EIF3H: variants seen among roughly 807,000 people sequenced by gnomAD.
The protein encoded by EIF3H is eukaryotic translation initiation factor 3 subunit H.
In EIF3H, 26 loss-of-function variants were observed where a neutral mutation model predicts 44.2. That is an observed-to-expected ratio of 0.59 (90% CI 0.43 to 0.82). The LOEUF (loss-of-function observed/expected upper bound fraction) is 0.82, where lower values mean the gene tolerates loss of function less well. Among genes scored for constraint, EIF3H ranks in the 40% least tolerant of loss-of-function variants. EIF3H has a pLI of 0.00. For synonymous variants in EIF3H, 166 were observed against 151.9 expected (o/e 1.09, Z -0.68); for missense variants, 359 against 432.8 (o/e 0.83, Z 1.51).
chr8:116,727,807 A>C (rs1462956129), intron 1 of EIF3H, among the ~76,000 whole-genome samples: 1 of 152,220 alleles, frequency 6.6e-6, no homozygotes, highest in Non-Finnish European at 1.5e-5. Context: ...CCCTGTCATA[A>C]TTCTGTGCAC....
chr8:116,731,890 C>A (rs984635243), intron 1 of EIF3H, among the ~76,000 whole-genome samples: 1 of 152,182 alleles, frequency 6.6e-6, no homozygotes, highest in African/African-American at 2.4e-5. Context: ...TTAGCAAATT[C>A]TTCTACACCT....
At chr8:116,725,960 G>A in intron 2 of EIF3H, 56 bp downstream of exon 2, 2 of 1,558,582 alleles carry the variant, frequency 1.3e-6, no homozygotes. Flanking sequence ...GGTGAGACCT[G>A]TGTCAATATC....
intron 2 of EIF3H, among the ~76,000 whole-genome samples, chr8:116,709,120 AGCCTAATAT>A: frequency 6.6e-6 from 1 of 152,166 alleles, no homozygotes; most frequent in Non-Finnish European, 1.5e-5. Flanking sequence ...AGTATCAAGC[AGCCTAATAT>A]AACCCAGCTG....
chr8:116,763,354 A>G (rs535261422), intron 1 of EIF3H, among the ~76,000 whole-genome samples: 3 of 152,364 alleles, frequency 2.0e-5, no homozygotes, highest in East Asian at 3.8e-4. Context: ...ATACATCATC[A>G]AAGTGTTATC....
upstream of EIF3H, among the ~76,000 whole-genome samples, chr8:116,757,992 G>A (rs1286291344): frequency 1.3e-5 from 2 of 152,178 alleles, no homozygotes; most frequent in African/African-American, 4.8e-5. Flanking sequence ...AAAGTGCTGG[G>A]ATTATAGGCG....
intron 6 of EIF3H, among the ~76,000 whole-genome samples, chr8:116,647,167 C>T (rs1297390017): frequency 6.6e-6 from 1 of 151,748 alleles, no homozygotes; most frequent in Non-Finnish European, 1.5e-5. Flanking sequence ...CTCACTGCAG[C>T]CTCCGCCTCT....
chr8:116,737,950 G>A (rs982915191), intron 1 of EIF3H, among the ~76,000 whole-genome samples: 2 of 148,036 alleles, frequency 1.4e-5, no homozygotes, highest in Non-Finnish European at 3.0e-5. Context: ...CAGGAGAATC[G>A]CTTGAACCCA....
chr8:116,689,966 CCT>C (rs1216329623), intron 2 of EIF3H, among the ~76,000 whole-genome samples: 1 of 152,048 alleles, frequency 6.6e-6, no homozygotes. Context: ...CATATCTACC[CCT>C]CCCATATATA....
intron 2 of EIF3H, among the ~76,000 whole-genome samples, chr8:116,685,873 G>C (rs1197257324): frequency 4.6e-5 from 7 of 152,148 alleles, no homozygotes. Context: ...GGAAAGATCT[G>C]CACAGCAGGA....
At chr8:116,695,136 T>C (rs527708561) in intron 2 of EIF3H, among the ~76,000 whole-genome samples, 66 of 150,554 alleles carry the variant, frequency 4.4e-4, no homozygotes, top group Non-Finnish European at 8.9e-4. Context: ...TGGAGCAATC[T>C]AGGCTCACTA....
intron 6 of EIF3H, among the ~76,000 whole-genome samples, chr8:116,648,261 G>C (rs1053095930): frequency 3.0e-4 from 45 of 152,148 alleles, no homozygotes; most frequent in African/African-American, 1.0e-3. Context: ...CATGTGGCCT[G>C]CAGGCAACAT....
Position 116,646,546 on chromosome 8 carries a change from G to A in EIF3H, c.886C>T (p.Leu296Phe). 1.9e-6 allele frequency: 3 copies of A among 1,614,204 alleles called. No individual in the cohort carries two copies. Among genetic ancestry groups the A allele is most frequent in the South Asian group, 1.1e-5 (1 of 91,074 alleles). ...AGTTTGGACAGGTCCTCCTCAGGGA[G>A]CGGGGGTTCTCCTCGGCTCTGGCGC... ...MQRQSRGEPPLPEEDLSKLFK... is the reference protein window; with the variant it reads ...MQRQSRGEPPFPEEDLSKLFK... Residue 296 changes from leucine to phenylalanine, a missense_variant, in exon 7 of 8, where the codon CTC (leucine) becomes TTC (phenylalanine). Transcript: ENST00000521861.
intron 1 of EIF3H, chr8:116,737,292 G>C (rs1054216442): frequency 1.6e-5 from 7 of 428,696 alleles, no homozygotes; most frequent in Non-Finnish European, 3.2e-5. Context: ...ATTTCCCTGG[G>C]GAAGAAAAAA....
intron 2 of EIF3H, among the ~76,000 whole-genome samples, chr8:116,688,118 T>A (rs1307251786): frequency 6.6e-6 from 1 of 152,150 alleles, no homozygotes; most frequent in African/African-American, 2.4e-5. Flanking sequence ...ACCTGAATTC[T>A]AAGGGAAACA....
At chr8:116,727,123 T>C (rs954970620) in intron 1 of EIF3H, among the ~76,000 whole-genome samples, 3 of 152,180 alleles carry the variant, frequency 2.0e-5, no homozygotes, top group African/African-American at 7.2e-5. Flanking sequence ...AGAAACGAAG[T>C]AATGGGTGGG....
chr8:116,746,588 T>C (rs941000664), intron 1 of EIF3H, among the ~76,000 whole-genome samples: 4 of 152,228 alleles, frequency 2.6e-5, no homozygotes, highest in African/African-American at 9.6e-5. Context: ...ATTCACTTTA[T>C]GTCTTTGAAA....
chr8:116,659,803 T>G (rs1430325995), intron 2 of EIF3H, among the ~76,000 whole-genome samples: 1 of 152,066 alleles, frequency 6.6e-6, no homozygotes, highest in African/African-American at 2.4e-5. Flanking sequence ...TAAAAAGCAA[T>G]ATAGCACAAT....
chr8:116,666,716 T>C lies in EIF3H; in HGVS notation c.290-7736A>G, dbSNP rs953033446. Among the ~76,000 whole-genome samples the C allele has an allele frequency of 4.6e-5, 6 of 129,852 alleles. No individual in the cohort carries two copies. The Admixed American group carries it at 5.1e-4, about 11-fold the overall frequency. 85.2% of individuals were successfully genotyped at this position (129,852 alleles called of 152,430 possible). ...CCTCTTGCTACAATTAAGAGCATGG[T>C]ATGTTAGAAGACCAAATGAGAATCT... On this transcript the variant is annotated intron_variant, in intron 2 of 7. Transcript: ENST00000521861.
chr8:116,645,557 C>A (rs769743650), intron 7 of EIF3H, among the ~76,000 whole-genome samples: 1 of 152,174 alleles, frequency 6.6e-6, no homozygotes, highest in African/African-American at 2.4e-5. Flanking sequence ...TTTTCTCCTA[C>A]GAGCCAGACA....
Sources: gnomAD v4.1 joint callset for allele counts (sites outside exome capture counted in the v4.1 genomes callset) on GRCh38, gnomAD v4.1.1 for gene constraint, MANE v1.5 for transcripts, NCBI Gene and HGNC (gene_info 2026-07-23, HGNC 2026-07-21) for gene names.